HIPK4: variants seen among roughly 807,000 people sequenced by gnomAD.
HIPK4 encodes homeodomain interacting protein kinase 4, also known as homeodomain-interacting protein kinase 4.
HIPK4 carries 26 observed loss-of-function variants against 44.8 expected under a neutral mutation model. The ratio of observed to expected loss-of-function variants is 0.58; its 90% CI spans 0.43 to 0.80. The LOEUF is 0.80. HIPK4 is among the 30% of genes least tolerant of loss of function. The pLI is 0.00. For missense variants in HIPK4, 729 were observed against 862.6 expected, an observed-to-expected ratio of 0.85 and a Z score of 1.94; for synonymous variants, 340 against 355.5, an observed-to-expected ratio of 0.96 and a Z score of 0.49.
chr19:40,385,683 C>CTTTTTTTTTTTTT (rs142414559), intron 1 of HIPK4, among the ~76,000 whole-genome samples: 5 of 67,022 alleles, frequency 7.5e-5, no homozygotes, highest in East Asian at 3.5e-4. Context: ...CTTTTCTTTT[C>CTTTTTTTTTTTTT]TTTTTTTTTT....
At chr19:40,386,698 C>T (rs1026930744) in intron 1 of HIPK4, among the ~76,000 whole-genome samples, 5 of 152,144 alleles carry the variant, frequency 3.3e-5, no homozygotes, top group African/African-American at 1.2e-4. Context: ...CCCACGAGGG[C>T]AAAGAATTTA....
At position 40,379,285 on chromosome 19, in the gene HIPK4, A is replaced by G. The variant is rs964272541; in HGVS notation, c.*302T>C. The G allele has an allele frequency of 1.1e-5, 4 of 369,096 alleles. No individual in the cohort carries two copies. Among genetic ancestry groups the G allele is most frequent in the Non-Finnish European group, 2.0e-5 (4 of 204,654 alleles). The allele number at this position is 369,096 out of a possible 1,614,324, so 22.9% of individuals were successfully genotyped here. ...TGAAGCAGGACTGCTGAACAGTTCT[A>G]TATTGAAATAGACAGAGGCAGCAGG... On this transcript the variant is annotated 3_prime_UTR_variant, in exon 4 of 4. Transcript: ENST00000291823.
Position 40,380,836 on chromosome 19 carries a change from G to T in HIPK4, c.1155C>A (p.Ala385=). 1 of 1,610,386 alleles carries T rather than the reference G, an allele frequency of 6.2e-7. No individual in the cohort carries two copies. Among genetic ancestry groups the T allele is most frequent in the East Asian group, 2.2e-5 (1 of 44,764 alleles). ...VEGKPPTPVV[A]AEDGTPYYCL... Reference sequence around the variant, plus strand: ...AGTAGTAGGGGGTCCCATCTTCTGCGGCCACGACGGGCGTGGGGGGCTTCC... The same window carrying T: ...AGTAGTAGGGGGTCCCATCTTCTGCTGCCACGACGGGCGTGGGGGGCTTCC... Residue 385 remains alanine (A), a synonymous_variant, in exon 3 of 4, where the codon GCC becomes GCA. Transcript: ENST00000291823. The surrounding 1 kb of genome is among the most constrained non-coding windows in gnomAD (Gnocchi z 4.2).
chr19:40,387,738 C>CA (rs2079369553), intron 1 of HIPK4, among the ~76,000 whole-genome samples: 1 of 152,216 alleles, frequency 6.6e-6, no homozygotes, highest in Admixed American at 6.5e-5. Flanking sequence ...CTCAGCCTCC[C>CA]AAAGTGCTGG....
Position 40,390,131 on chromosome 19 carries a change from TTGGGA to T in HIPK4, c.-234_-230del. On this transcript the variant is annotated 5_prime_UTR_variant, in exon 1 of 4. Coordinates refer to ENST00000291823, the MANE Select transcript of HIPK4 (RefSeq NM_144685.5). ...ACCCCTCCCCAGAAACCCTCCTGGC[TTGGGA>T]TGAGGGGCCCCAGGCCCCACCGAAT... The T allele has an allele frequency of 1.8e-6, 1 of 565,562 alleles. No individual in the cohort carries two copies. The highest frequency in any genetic ancestry group is 3.2e-6 in the Non-Finnish European group (1 of 315,580). 35.0% of individuals were successfully genotyped at this position (565,562 alleles called of 1,614,324 possible).
At chr19:40,387,776 G>C (rs1010602381) in intron 1 of HIPK4, among the ~76,000 whole-genome samples, 2 of 152,130 alleles carry the variant, frequency 1.3e-5, no homozygotes, top group African/African-American at 4.8e-5. Flanking sequence ...ACCACACCTG[G>C]CCAGCCTGTT....
rs1415902760 is a variant in HIPK4, at chr19:40,380,653, G to T, written c.1338C>A (p.Cys446Ter). 2 of 1,613,794 alleles carry T rather than the reference G, an allele frequency of 1.2e-6. No individual in the cohort carries two copies. Among genetic ancestry groups the T allele is most frequent in the Non-Finnish European group, 1.7e-6 (2 of 1,179,944 alleles). The change falls in exon 3 of 4, where the codon TGC (cysteine) becomes TGA (stop). Residue 446 changes from cysteine (C) to a stop codon, truncating the protein, a stop_gained. Coordinates refer to ENST00000291823, the MANE Select transcript of HIPK4 (RefSeq NM_144685.5). LOFTEE classifies it high-confidence loss of function. This position sits in a 1 kb window ranked among gnomAD's most constrained non-coding sequence, Gnocchi z 4.2. Reference protein sequence around the residue: ...EAGHGLWGETCTNAVSDMMVP... With the variant: ...EAGHGLWGET ...CCATCATGTCGGAGACCGCATTGGT[G>T]CAGGTCTCACCCCACAGCCCATGCC...
At chr19:40,387,758 C>T (rs1299310452) in intron 1 of HIPK4, among the ~76,000 whole-genome samples, 1 of 152,160 alleles carries the variant, frequency 6.6e-6, no homozygotes, top group Admixed American at 6.5e-5. Flanking sequence ...GGATTACAGG[C>T]TTGGGCCACC....
intron 2 of HIPK4, 23 bp from the exon 3 acceptor site, chr19:40,381,191 G>A (rs758906561): frequency 5.7e-6 from 9 of 1,573,152 alleles, no homozygotes; most frequent in Non-Finnish European, 7.7e-6. Flanking sequence ...GGAGAAGGGG[G>A]CAGGGTTGAC....
chr19:40,379,685 C>A lies in HIPK4; in HGVS notation c.1753G>T (p.Gly585Cys). The A allele has an allele frequency of 6.3e-7, 1 of 1,587,544 alleles. No individual in the cohort carries two copies. The highest frequency in any genetic ancestry group is 2.3e-5 in the East Asian group (1 of 43,378). The stretch of plus-strand genomic sequence containing the variant: ...GGTGGGAGCCCCTGAGCCCGTGGGC[C>A]CCTGACGCTCTCCAGGGTGCAGTCT... ...EPDCTLESVR[G>C]PRAQGLPPRR... The change falls in exon 4 of 4, where the codon GGC becomes TGC. Residue 585 changes from glycine (G) to cysteine (C), a missense_variant. This residue lies in a region of HIPK4 where 533 missense variants were observed against 567.5 expected (regional missense o/e 0.94). Transcript: ENST00000291823.
rs757181826 is a variant in HIPK4, at chr19:40,381,126, C to T, written c.865G>A (p.Asp289Asn). 2 of 1,607,246 alleles carry T rather than the reference C, an allele frequency of 1.2e-6. No individual in the cohort carries two copies. Among genetic ancestry groups the T allele is most frequent in the Non-Finnish European group, 1.7e-6 (2 of 1,179,700 alleles). Reference protein sequence around the residue: ...ERRKYMLKSLDQIETVNGGSV... With the variant: ...ERRKYMLKSLNQIETVNGGSV... ...CCACCATTCACTGTCTCAATCTGGT[C>T]CAACGACTTGAGCATATACTTGCGG... Residue 289 changes from aspartate to asparagine, a missense_variant, in exon 3 of 4, where the codon GAC becomes AAC. Asp to Asn is a conservative substitution (Grantham distance 23). This residue lies in a region of HIPK4 where 533 missense variants were observed against 567.5 expected (regional missense o/e 0.94). Transcript: ENST00000291823.
chr19:40,387,869 T>C (rs182036568), intron 1 of HIPK4, among the ~76,000 whole-genome samples: 15 of 152,182 alleles, frequency 9.9e-5, no homozygotes, highest in Admixed American at 4.6e-4. Flanking sequence ...AGTCGAGCTC[T>C]GTCGCCCAGG....
chr19:40,381,745 C>A (rs898560672), intron 2 of HIPK4, among the ~76,000 whole-genome samples: 3 of 150,804 alleles, frequency 2.0e-5, no homozygotes, highest in Admixed American at 2.0e-4. Flanking sequence ...CTGGCTGCTG[C>A]CCCAAACCTC....
At chr19:40,385,448 C>T (rs559205339) in intron 1 of HIPK4, among the ~76,000 whole-genome samples, 114 of 152,304 alleles carry the variant, frequency 7.5e-4, no homozygotes, top group Middle Eastern at 3.4e-3. Flanking sequence ...CTTTTGCACT[C>T]GCTGTTCCCT....
Position 40,389,906 on chromosome 19 carries a change from G to A in HIPK4, c.-4C>T. ...TCTCCGACTGGATGGTGGACATGGTGCCGCTGCTGCCAGACACCGCCCTGC... is the reference window on the plus strand; with the variant it reads ...TCTCCGACTGGATGGTGGACATGGTACCGCTGCTGCCAGACACCGCCCTGC... On this transcript the variant is annotated 5_prime_UTR_variant, in exon 1 of 4. Transcript: ENST00000291823. The surrounding 1 kb of genome is among the most constrained non-coding windows in gnomAD (Gnocchi z 4.6). 6.2e-7 allele frequency: 1 copy of A among 1,600,130 alleles called. No individual in the cohort carries two copies. Among genetic ancestry groups the A allele is most frequent in the South Asian group, 1.1e-5 (1 of 90,876 alleles).
chr19:40,380,213 T>C lies in HIPK4; in HGVS notation c.1668+110A>G, dbSNP rs564625909. On this transcript the variant is annotated intron_variant, in intron 3 of 3. Coordinates refer to ENST00000291823, the MANE Select transcript of HIPK4 (RefSeq NM_144685.5). This position sits in a 1 kb window ranked among gnomAD's most constrained non-coding sequence, Gnocchi z 4.2. ...TAAGTCCCTAATTGTATCCTGAACA[T>C]GGGTGAGTGTGTGTTGAGCCTCCTC... 1.4e-6 allele frequency: 2 copies of C among 1,400,110 alleles called. No individual in the cohort carries two copies. Among genetic ancestry groups the C allele is most frequent in the African/African-American group, 2.9e-5 (2 of 69,750 alleles). The allele number at this position is 1,400,110 out of a possible 1,614,324, so 86.7% of individuals were successfully genotyped here. A position where few individuals can be genotyped will look rare whatever the true frequency, so the allele number is the denominator to read the frequency against.
chr19:40,380,246 AATC>A lies in HIPK4; in HGVS notation c.1668+74_1668+76del. ...TGTGTGTTGAGCCTCCTCACACACTAATCATATCCTGAGCACGGGTGAGTGTGT... is the reference window on the plus strand; with the variant it reads ...TGTGTGTTGAGCCTCCTCACACACTAATATCCTGAGCACGGGTGAGTGTGT... On this transcript the variant is annotated intron_variant, in intron 3 of 3. Coordinates refer to ENST00000291823, the MANE Select transcript of HIPK4 (RefSeq NM_144685.5). This position sits in a 1 kb window ranked among gnomAD's most constrained non-coding sequence, Gnocchi z 4.2. 2.0e-6 allele frequency: 3 copies of A among 1,516,718 alleles called. No individual in the cohort carries two copies. The highest frequency in any genetic ancestry group is 1.3e-5 in the South Asian group (1 of 79,386). 94.0% of individuals were successfully genotyped at this position (1,516,718 alleles called of 1,614,324 possible). A position where few individuals can be genotyped will look rare whatever the true frequency, so the allele number is the denominator to read the frequency against.
At position 40,390,042 on chromosome 19, in the gene HIPK4, T is replaced by C; in HGVS notation, c.-140A>G. ...CGCACTCGTGTCTCCTCCTATGAGGTTGGCCCCTGCTTCCCTGGCACCCCC... is the reference window on the plus strand; with the variant it reads ...CGCACTCGTGTCTCCTCCTATGAGGCTGGCCCCTGCTTCCCTGGCACCCCC... On this transcript the variant is annotated 5_prime_UTR_variant, in exon 1 of 4. Coordinates refer to ENST00000291823, the MANE Select transcript of HIPK4 (RefSeq NM_144685.5). 1.5e-6 allele frequency: 1 copy of C among 651,550 alleles called. No homozygotes were observed. Among genetic ancestry groups the C allele is most frequent in the East Asian group, 2.7e-5 (1 of 36,642 alleles). The allele number at this position is 651,550 out of a possible 1,614,324, so 40.4% of individuals were successfully genotyped here.
At chr19:40,386,142 T>C (rs982567006) in intron 1 of HIPK4, among the ~76,000 whole-genome samples, 1 of 152,210 alleles carries the variant, frequency 6.6e-6, no homozygotes, top group African/African-American at 2.4e-5. Flanking sequence ...TGATCTTGGC[T>C]CACTGCAACC....
Sources: allele counts gnomAD v4.1 joint callset (sites outside exome capture counted in the v4.1 genomes callset), GRCh38; gene constraint gnomAD v4.1.1; regional missense constraint gnomAD v4.1.1; non-coding constraint Gnocchi (gnomAD v3.1); transcripts MANE v1.5; gene names NCBI Gene and HGNC (gene_info 2026-07-23, HGNC 2026-07-21).